The following RUSC2 variants were observed in gnomAD, a reference collection of about 807,000 sequenced individuals.
RUSC2 encodes the protein RUN and SH3 domain containing 2.
A neutral mutation model predicts 122.2 loss-of-function variants in RUSC2; 34 were observed. The ratio of observed to expected loss-of-function variants is 0.28; its 90% CI spans 0.21 to 0.37. RUSC2 has a LOEUF of 0.37. Ranked by LOEUF, RUSC2 falls within the 10% of genes least tolerant of loss-of-function variation. The pLI is 1.00. For synonymous variants in RUSC2, 784 were observed against 790.0 expected (o/e 0.99, Z 0.13); for missense variants, 1,747 against 1,952.4 (o/e 0.89, Z 1.98).
chr9:35,555,373 C>A lies in RUSC2; in HGVS notation c.2328C>A (p.Pro776=), dbSNP rs1209906232. The change falls in exon 3 of 12, where the codon CCC becomes CCA. Residue 776 remains proline (P), a synonymous_variant. Coordinates refer to ENST00000361226, the MANE Select transcript of RUSC2 (RefSeq NM_014806.5). The surrounding 1 kb of genome is among the most constrained non-coding windows in gnomAD (Gnocchi z 4.6). ...GSEPETSRPS[P]LGSYSPIRSV... is the part of the protein sequence containing the mutation. ...AGCCAGAGACCTCTCGGCCATCGCC[C>A]CTGGGCAGCTACTCCCCCATCCGGA... 1.2e-6 allele frequency: 2 copies of A among 1,614,140 alleles called. No homozygotes were observed. The highest frequency in any genetic ancestry group is 1.7e-6 in the Non-Finnish European group (2 of 1,180,044).
chr9:35,493,650 A>G (rs574535410), intron 1 of RUSC2, among the ~76,000 whole-genome samples: 1 of 151,984 alleles, frequency 6.6e-6, no homozygotes, highest in African/African-American at 2.4e-5. Flanking sequence ...TTACAGGTGC[A>G]CGCCACCACG....
chr9:35,546,476 G>A lies in RUSC2; in HGVS notation c.-46G>A. 2.3e-6 allele frequency: 3 copies of A among 1,321,724 alleles called. No homozygotes were observed. Among genetic ancestry groups the A allele is most frequent in the Non-Finnish European group, 2.9e-6 (3 of 1,021,938 alleles). 81.9% of individuals were successfully genotyped at this position (1,321,724 alleles called of 1,614,324 possible). A position where few individuals can be genotyped will look rare whatever the true frequency, so the allele number is the denominator to read the frequency against. On this transcript the variant is annotated 5_prime_UTR_variant, in exon 2 of 12. Coordinates refer to ENST00000361226, the MANE Select transcript of RUSC2 (RefSeq NM_014806.5). The surrounding 1 kb of genome is among the most constrained non-coding windows in gnomAD (Gnocchi z 4.3). ...ATGTGTTCTGCCCCACTGGGCTCCA[G>A]GGACAGTGTCTGGTGCTGTTGAAGC... is the stretch of plus-strand genomic sequence containing the variant.
At chr9:35,519,144 A>G (rs538368583) in intron 1 of RUSC2, among the ~76,000 whole-genome samples, 2 of 152,360 alleles carry the variant, frequency 1.3e-5, no homozygotes, top group South Asian at 4.1e-4. Context: ...TGCTTCCCGT[A>G]GAATCCAACT....
intron 1 of RUSC2, among the ~76,000 whole-genome samples, chr9:35,522,725 T>A (rs1821239718): frequency 6.6e-6 from 1 of 152,202 alleles, no homozygotes; most frequent in Non-Finnish European, 1.5e-5. Flanking sequence ...TAGAGTACAG[T>A]ATGTAATAAT....
intron 5 of RUSC2, 46 bp downstream of exon 5, chr9:35,556,494 C>T (rs1467927608): frequency 9.2e-6 from 14 of 1,517,994 alleles, no homozygotes; most frequent in Admixed American, 1.9e-5. Flanking sequence ...CTGTCACTAC[C>T]TCCTCACACT....
chr9:35,555,682 G>A lies in RUSC2; in HGVS notation c.2637G>A (p.Met879Ile), dbSNP rs1478340665. The part of the protein sequence containing the change: ...SLARGGGEGS[M>I]ATRPSNANHL... ...CCCGGGGAGGTGGTGAGGGCAGCATGGCCACCAGGCCCAGTAATGGTACGA... is the reference window on the plus strand; with the variant it reads ...CCCGGGGAGGTGGTGAGGGCAGCATAGCCACCAGGCCCAGTAATGGTACGA... Residue 879 changes from methionine to isoleucine, a missense_variant, in exon 3 of 12, where the codon ATG (methionine) becomes ATA (isoleucine). Met to Ile is a conservative substitution (Grantham distance 10, BLOSUM62 1). Coordinates refer to ENST00000361226, the MANE Select transcript of RUSC2 (RefSeq NM_014806.5). The surrounding 1 kb of genome is among the most constrained non-coding windows in gnomAD (Gnocchi z 4.6). 6.3e-7 allele frequency: 1 copy of A among 1,591,922 alleles called. No homozygotes were observed. The highest frequency in any genetic ancestry group is 1.1e-5 in the South Asian group (1 of 89,944).
At chr9:35,494,944 T>C (rs940387467) in intron 1 of RUSC2, among the ~76,000 whole-genome samples, 29 of 128,066 alleles carry the variant, frequency 2.3e-4, no homozygotes, top group Non-Finnish European at 4.1e-4. Flanking sequence ...TTATATATAA[T>C]ATATATTATA....
At chr9:35,535,830 G>A (rs1005165801) in intron 1 of RUSC2, among the ~76,000 whole-genome samples, 2 of 152,124 alleles carry the variant, frequency 1.3e-5, no homozygotes, top group Non-Finnish European at 2.9e-5. Flanking sequence ...ATGAGCCACC[G>A]TGCCCGGCCA....
intron 1 of RUSC2, among the ~76,000 whole-genome samples, chr9:35,529,107 C>T (rs1311077105): frequency 6.6e-6 from 1 of 152,104 alleles, no homozygotes; most frequent in Non-Finnish European, 1.5e-5. Flanking sequence ...AGAATATTCT[C>T]AATTTTTCTC....
intron 1 of RUSC2, among the ~76,000 whole-genome samples, chr9:35,526,711 C>G (rs1821331285): frequency 6.6e-6 from 1 of 152,148 alleles, no homozygotes; most frequent in African/African-American, 2.4e-5. Flanking sequence ...CCCAGGAGTT[C>G]AAGGTTGCAG....
At chr9:35,549,082 T>C (rs747092715) in intron 2 of RUSC2, 16 of 984,986 alleles carry the variant, frequency 1.6e-5, no homozygotes, top group Non-Finnish European at 1.9e-5. Flanking sequence ...CAGCAGGACT[T>C]AGAGGCTGAC....
In RUSC2 at chr9:35,555,653, C is replaced by T; in HGVS notation, c.2608C>T (p.Leu870=). ...WRSGLSRAES[L]ARGGGEGSMA... is the part of the protein sequence containing the mutation. ...ATCTGGCCTCAGCCGAGCAGAGAGCCTGGCCCGGGGAGGTGGTGAGGGCAG... is the reference window on the plus strand; with the variant it reads ...ATCTGGCCTCAGCCGAGCAGAGAGCTTGGCCCGGGGAGGTGGTGAGGGCAG... The change falls in exon 3 of 12, where the codon CTG becomes TTG. Residue 870 remains leucine, a synonymous_variant. Coordinates refer to ENST00000361226, the MANE Select transcript of RUSC2 (RefSeq NM_014806.5). This position sits in a 1 kb window ranked among gnomAD's most constrained non-coding sequence, Gnocchi z 4.6. 6.2e-7 allele frequency: 1 copy of T among 1,607,760 alleles called. No homozygotes were observed. Among genetic ancestry groups the T allele is most frequent in the Non-Finnish European group, 8.5e-7 (1 of 1,179,728 alleles).
chr9:35,537,106 G>A (rs1429842184), intron 1 of RUSC2, among the ~76,000 whole-genome samples: 1 of 152,186 alleles, frequency 6.6e-6, no homozygotes, highest in Non-Finnish European at 1.5e-5. Flanking sequence ...TGGCAGTAGT[G>A]GTTAGGAAGT....
In RUSC2 at chr9:35,549,336, C is replaced by T. The variant is rs181796853; in HGVS notation, c.2014+801C>T. The stretch of plus-strand genomic sequence containing the variant: ...TTGAGACGGAGTCTTGCTCTTTCGC[C>T]CAGGCTGGAGTGCAGTGGCCTCCCT... On this transcript the variant is annotated intron_variant, in intron 2 of 11. Coordinates refer to ENST00000361226, the MANE Select transcript of RUSC2 (RefSeq NM_014806.5). 810 of 658,486 alleles carry T rather than the reference C, an allele frequency of 1.2e-3. 4 individuals are homozygous for T. The South Asian group carries it at 0.013, about 11-fold the overall frequency. The allele number at this position is 658,486 out of a possible 1,614,324, so 40.8% of individuals were successfully genotyped here.
intron 1 of RUSC2, among the ~76,000 whole-genome samples, chr9:35,497,061 G>A (rs900057908): frequency 2.6e-5 from 4 of 152,172 alleles, no homozygotes; most frequent in Admixed American, 1.3e-4. Context: ...GCAAGTACTT[G>A]AGCATCCAAC....
Position 35,558,268 on chromosome 9 carries a change from C to T in RUSC2, c.3132C>T (p.Val1044=). 1.2e-6 allele frequency: 2 copies of T among 1,614,190 alleles called. No homozygotes were observed. Among genetic ancestry groups the T allele is most frequent in the South Asian group, 1.1e-5 (1 of 91,086 alleles). ...HLVLKYLCPA[V]RAVLEDGLKA... is the part of the protein sequence containing the mutation. ...TTCTGAAGTACTTGTGCCCTGCCGTCCGCGCCGTGCTGGAGGATGGGCTCA... is the reference window on the plus strand; with the variant it reads ...TTCTGAAGTACTTGTGCCCTGCCGTTCGCGCCGTGCTGGAGGATGGGCTCA... The change falls in exon 7 of 12, where the codon GTC becomes GTT. Residue 1044 remains valine, a synonymous_variant. Transcript: ENST00000361226. This position sits in a 1 kb window ranked among gnomAD's most constrained non-coding sequence, Gnocchi z 4.3.
rs1821687662 is a variant in RUSC2 at position 35,543,678 on chromosome 9, A to G, written c.-92-2752A>G. On this transcript the variant is annotated intron_variant, in intron 1 of 11. Coordinates refer to ENST00000361226, the MANE Select transcript of RUSC2 (RefSeq NM_014806.5). ...GAGACAGGGCTTCACCATGTTGGCCAGGCTGGTCTTGAACTCTTGACCTCA... is the reference window on the plus strand; with the variant it reads ...GAGACAGGGCTTCACCATGTTGGCCGGGCTGGTCTTGAACTCTTGACCTCA... 2.0e-5 allele frequency among the ~76,000 whole-genome samples: 3 copies of G among 152,160 alleles called. No individual in the cohort carries two copies. The South Asian group carries it at 6.2e-4, about 31-fold the overall frequency.
chr9:35,495,952 C>T (rs1820703998), intron 1 of RUSC2, among the ~76,000 whole-genome samples: 1 of 152,054 alleles, frequency 6.6e-6, no homozygotes, highest in Non-Finnish European at 1.5e-5. Context: ...GTTTTAATTT[C>T]CATTTCAGAT....
In RUSC2 at chr9:35,547,628, C is replaced by T. The variant is rs761178584; in HGVS notation, c.1107C>T (p.His369=). 6.2e-7 allele frequency: 1 copy of T among 1,614,244 alleles called. No homozygotes were observed. Among genetic ancestry groups the T allele is most frequent in the Non-Finnish European group, 8.5e-7 (1 of 1,180,044 alleles). Reference sequence around the variant, plus strand: ...CCAACTGCAACTCCTACCGCCCACACTGTGAGCCGTGCCCAGCAGTGGCTG... The same window carrying T: ...CCAACTGCAACTCCTACCGCCCACATTGTGAGCCGTGCCCAGCAGTGGCTG... ...LDANCNSYRP[H]CEPCPAVADL... is the part of the protein sequence containing the mutation. The change falls in exon 2 of 12, where the codon CAC becomes CAT. Residue 369 remains histidine, a synonymous_variant. Transcript: ENST00000361226. The surrounding 1 kb of genome is among the most constrained non-coding windows in gnomAD (Gnocchi z 4.6).
Sources: gnomAD v4.1 joint callset for allele counts (sites outside exome capture counted in the v4.1 genomes callset) on GRCh38, gnomAD v4.1.1 for gene constraint, Gnocchi (gnomAD v3.1) non-coding constraint, MANE v1.5 for transcripts, NCBI Gene and HGNC (gene_info 2026-07-23, HGNC 2026-07-21) for gene names.